The following DEPDC5 variants were observed in gnomAD, a reference collection of about 807,000 sequenced individuals.
DEPDC5 encodes DEP domain containing 5, GATOR1 subcomplex subunit, also known as GATOR1 complex protein DEPDC5.
DEPDC5 carries 73 observed loss-of-function variants against 217.3 expected under a neutral mutation model. The ratio of observed to expected loss-of-function variants is 0.34; its 90% CI spans 0.28 to 0.41. The LOEUF (loss-of-function observed/expected upper bound fraction) is 0.41. Among genes scored for constraint, DEPDC5 ranks in the 10% least tolerant of loss-of-function variants. The pLI is 1.00. For synonymous variants in DEPDC5, 733 were observed against 756.7 expected, an observed-to-expected ratio of 0.97 and a Z score of 0.51; for missense variants, 1,675 against 2,070.1, an observed-to-expected ratio of 0.81 and a Z score of 3.70.
rs372489331 is a variant in DEPDC5 at position 31,815,072 on chromosome 22, G to T, written c.1526G>T (p.Arg509Leu). Residue 509 changes from arginine (R) to leucine (L), a missense_variant, in exon 21 of 43, where the codon CGC (arginine) becomes CTC (leucine). Transcript: ENST00000651528. Reference sequence around the variant, plus strand: ...TCATCCAGCCCTTCCCTACCAAGCCGCACACTGCCCACTGAGGAAGTGAGG... The same window carrying T: ...TCATCCAGCCCTTCCCTACCAAGCCTCACACTGCCCACTGAGGAAGTGAGG... ...DVSSSPSLPSRTLPTEEVRSQ... is the reference protein window; with the variant it reads ...DVSSSPSLPSLTLPTEEVRSQ... The T allele has an allele frequency of 3.7e-6, 6 of 1,614,024 alleles. No homozygotes were observed. Among genetic ancestry groups the T allele is most frequent in the Admixed American group, 3.3e-5 (2 of 59,990 alleles).
intron 20 of DEPDC5, 39 bp from the exon 21 acceptor site, chr22:31,814,952 TC>T (rs781239780): frequency 5.5e-5 from 89 of 1,608,268 alleles, no homozygotes; most frequent in Non-Finnish European, 7.3e-5. Context: ...TAGGACAGCA[TC>T]CCTCGCTTGA....
intron 24 of DEPDC5, among the ~76,000 whole-genome samples, chr22:31,830,756 C>CT (rs968118595): frequency 1.7e-3 from 239 of 140,346 alleles, no homozygotes; most frequent in African/African-American, 5.0e-3. Context: ...TATTTCTTTT[C>CT]TTTTTTTTTT....
chr22:31,905,589 T>A (rs2093743019), intron 41 of DEPDC5, among the ~76,000 whole-genome samples: 1 of 150,602 alleles, frequency 6.6e-6, no homozygotes, highest in South Asian at 2.1e-4. Flanking sequence ...AGGCCCAGGA[T>A]GGGATGGGGG....
At chr22:31,799,293 T>A (rs1445900946) in intron 14 of DEPDC5, among the ~76,000 whole-genome samples, 1 of 151,638 alleles carries the variant, frequency 6.6e-6, no homozygotes, top group Non-Finnish European at 1.5e-5. Context: ...TCCACCTGCC[T>A]CAGCCTCCCA....
chr22:31,852,498 C>T (rs1388304869), intron 31 of DEPDC5, among the ~76,000 whole-genome samples: 1 of 152,032 alleles, frequency 6.6e-6, no homozygotes, highest in Admixed American at 6.5e-5. Flanking sequence ...GCGCCACCAC[C>T]CCAGCTAATT....
chr22:31,770,494 C>T (rs2083244548), intron 7 of DEPDC5, among the ~76,000 whole-genome samples: 1 of 151,444 alleles, frequency 6.6e-6, no homozygotes, highest in Non-Finnish European at 1.5e-5. Flanking sequence ...AATTATCCTG[C>T]CTCAGCCTCG....
At position 31,867,649 on chromosome 22, in the gene DEPDC5, C is replaced by CT. The variant is rs148228178; in HGVS notation, c.3331-2938dup. On this transcript the variant is annotated intron_variant, in intron 33 of 42. Transcript: ENST00000651528. ...TTCATTTACATATTGCCTGTGGCTG[C>CT]TTTCTCACTTTCTTACTCAAAGTTG... is the stretch of plus-strand genomic sequence containing the variant. Among the ~76,000 whole-genome samples the CT allele has an allele frequency of 6.6e-3, 999 of 152,300 alleles. 12 individuals are homozygous for CT. Among genetic ancestry groups the CT allele is most frequent in the African/African-American group, 0.023 (944 of 41,564 alleles).
At chr22:31,870,126 G>T (rs1458125429) in intron 33 of DEPDC5, among the ~76,000 whole-genome samples, 23 of 152,276 alleles carry the variant, frequency 1.5e-4, no homozygotes. Flanking sequence ...GGTGAGTCAC[G>T]GTAGGCAGAA....
At chr22:31,867,096 A>G (rs1207065977) in intron 33 of DEPDC5, among the ~76,000 whole-genome samples, 1 of 152,214 alleles carries the variant, frequency 6.6e-6, no homozygotes, top group African/African-American at 2.4e-5. Context: ...AAGATTCTTA[A>G]GATGAAAGGC....
In DEPDC5 at chr22:31,857,568, G is replaced by C. The variant is rs1345423947; in HGVS notation, c.3264+15G>C. Reference sequence around the variant, plus strand: ...GCCCACGAAAGGTAAAGGAAGCCGCGGTAGCAGGGAGCTGTTCTGTGCTCT... The same window carrying C: ...GCCCACGAAAGGTAAAGGAAGCCGCCGTAGCAGGGAGCTGTTCTGTGCTCT... On this transcript the variant is annotated intron_variant, in intron 32 of 42. Coordinates refer to ENST00000651528, the MANE Select transcript of DEPDC5 (RefSeq NM_001242896.3). 1.9e-6 allele frequency: 3 copies of C among 1,593,402 alleles called. No homozygotes were observed. Among genetic ancestry groups the C allele is most frequent in the East Asian group, 2.3e-5 (1 of 44,208 alleles).
At chr22:31,868,747 G>A (rs1354117951) in intron 33 of DEPDC5, among the ~76,000 whole-genome samples, 2 of 152,174 alleles carry the variant, frequency 1.3e-5, no homozygotes, top group South Asian at 4.1e-4. Context: ...GTTTTAGAAA[G>A]CAATTTTTGC....
chr22:31,809,060 G>A (rs187699259), intron 18 of DEPDC5, among the ~76,000 whole-genome samples: 1 of 152,258 alleles, frequency 6.6e-6, no homozygotes, highest in East Asian at 1.9e-4. Flanking sequence ...GAACCACTGT[G>A]CCTGGCCTTT....
rs770805583 is a variant in DEPDC5, at chr22:31,804,236, C to T, written c.1143+13C>T. 46 of 1,613,666 alleles carry T rather than the reference C, an allele frequency of 2.9e-5. No individual in the cohort carries two copies. The highest frequency in any genetic ancestry group is 5.3e-5 in the African/African-American group (4 of 74,836). On this transcript the variant is annotated intron_variant, in intron 16 of 42. Transcript: ENST00000651528. ...CCCATTGTTCAAGGTAATTAGATTT[C>T]GGATTTGTTTACTAAAGGCCAGTTG...
At position 31,778,164 on chromosome 22, in the gene DEPDC5, C is replaced by G. The variant is rs767524101; in HGVS notation, c.479C>G (p.Thr160Ser). 2 of 1,613,878 alleles carry G rather than the reference C, an allele frequency of 1.2e-6. No homozygotes were observed. Among genetic ancestry groups the G allele is most frequent in the East Asian group, 2.2e-5 (1 of 44,884 alleles). ...KVMCGYISED[T>S]RVVFRSTSAM... ...ATGTGTGGCTACATCAGTGAAGATA[C>G]CAGGGTAAGATTTATAAAATGCTTT... The change falls in exon 8 of 43, where the codon ACC (threonine) becomes AGC (serine). Residue 160 changes from threonine (T) to serine (S), a missense_variant. Physicochemically the swap from Thr to Ser is moderately conservative, Grantham distance 58. This residue lies in a region of DEPDC5 where 628 missense variants were observed against 762.1 expected (regional missense o/e 0.82). Coordinates refer to ENST00000651528, the MANE Select transcript of DEPDC5 (RefSeq NM_001242896.3).
chr22:31,837,401 A>G (rs1414657210), intron 26 of DEPDC5: 17 of 542,268 alleles, frequency 3.1e-5, no homozygotes, highest in Non-Finnish European at 4.2e-5. Flanking sequence ...CTCGGGTTGG[A>G]GTACAGTGGT....
Position 31,901,753 on chromosome 22 carries a change from G to A in DEPDC5, c.4387G>A (p.Glu1463Lys), listed in dbSNP as rs1370092843. ...SEHLFDSFEP[E>K]TYWDRMHLFQ... ...TATTTTCCTTTCAGGCTTTGAACCC[G>A]AAACGTACTGGGATCGAATGCACCT... is the stretch of plus-strand genomic sequence containing the variant. The change falls in exon 41 of 43, where the codon GAA becomes AAA. Residue 1463 changes from glutamate (E) to lysine (K), a missense_variant. This residue lies in a region of DEPDC5 where 182 missense variants were observed against 290.1 expected (regional missense o/e 0.63). Coordinates refer to ENST00000651528, the MANE Select transcript of DEPDC5 (RefSeq NM_001242896.3). 2 of 1,613,086 alleles carry A rather than the reference G, an allele frequency of 1.2e-6. No individual in the cohort carries two copies. Among genetic ancestry groups the A allele is most frequent in the Non-Finnish European group, 1.7e-6 (2 of 1,179,494 alleles).
intron 8 of DEPDC5, among the ~76,000 whole-genome samples, chr22:31,782,314 T>G (rs1225487031): frequency 6.6e-6 from 1 of 151,870 alleles, no homozygotes; most frequent in East Asian, 1.9e-4. Context: ...ATTTTTGTAT[T>G]TTAGTAGAGA....
At chr22:31,875,056 A>T (rs1337243469) in intron 36 of DEPDC5, 1 of 155,078 alleles carries the variant, frequency 6.4e-6, no homozygotes, top group East Asian at 1.9e-4. Context: ...CAGTTGACTG[A>T]GCCAGTTCAT....
At chr22:31,843,429 C>T (rs973878028) in intron 28 of DEPDC5, among the ~76,000 whole-genome samples, 2 of 152,114 alleles carry the variant, frequency 1.3e-5, no homozygotes, top group South Asian at 2.1e-4. Context: ...TGATTCATGA[C>T]AAGCCTATTT....
Sources: allele counts gnomAD v4.1 joint callset (sites outside exome capture counted in the v4.1 genomes callset), GRCh38; gene constraint gnomAD v4.1.1; regional missense constraint gnomAD v4.1.1; transcripts MANE v1.5; gene names NCBI Gene and HGNC (gene_info 2026-07-23, HGNC 2026-07-21).